Variants in CDCA5 observed in about 807,000 individuals in gnomAD.
The protein encoded by CDCA5 is cell division cycle associated 5.
Under a neutral mutation model 25.7 loss-of-function variants are expected in CDCA5, and 14 were observed. The ratio of observed to expected loss-of-function variants is 0.54; its 90% confidence interval spans 0.36 to 0.85. CDCA5 has a LOEUF of 0.85. Ranked by LOEUF, CDCA5 falls within the 40% of genes least tolerant of loss-of-function variation. The pLI is 0.01. For missense variants in CDCA5, 307 were observed against 324.5 expected (o/e 0.95, Z 0.41); for synonymous variants, 127 against 128.7 (o/e 0.99, Z 0.09).
In CDCA5 at chr11:65,078,395, C is replaced by G. The variant is rs1468802210; in HGVS notation, c.*712G>C. On this transcript the variant is annotated 3_prime_UTR_variant, in exon 6 of 6. Coordinates refer to ENST00000275517, the MANE Select transcript of CDCA5 (RefSeq NM_080668.4). ...CCCTTTGCTCCAAGCAGCCAGCGCC[C>G]TATCAACCTGGCATTTACCAAACAT... The G allele has an allele frequency of 1.0e-6, 1 of 985,848 alleles. No individual in the cohort carries two copies. The highest frequency in any genetic ancestry group is 6.1e-5 in the Admixed American group (1 of 16,290). 61.1% of individuals were successfully genotyped at this position (985,848 alleles called of 1,614,324 possible).
rs1947277260 is a variant in CDCA5 at position 65,068,196 on chromosome 11, C to G, written c.178-78G>C. ...AGAGCCTGGGTCCTCCCACACCCCC[C>G]ATCCTTGCCATCTCCCTGTCTTTCA... On this transcript the variant is annotated intron_variant, in intron 2 of 6. Coordinates refer to the CDCA5 transcript ENST00000525464. 4 of 893,692 alleles carry G rather than the reference C, an allele frequency of 4.5e-6. No individual in the cohort carries two copies. In the Admixed American group the frequency reaches 9.6e-5, roughly 21 times the overall value. The allele number at this position is 893,692 out of a possible 1,614,324, so 55.4% of individuals were successfully genotyped here.
chr11:65,073,393 T>C (rs3850947), downstream of CDCA5, among the ~76,000 whole-genome samples: 43,410 of 152,098 alleles, frequency 0.29, 6,693 homozygotes, highest in East Asian at 0.65. Context: ...TCAAACCCAG[T>C]TGGATTGCAG....
downstream of CDCA5, among the ~76,000 whole-genome samples, chr11:65,077,131 A>T (rs1370094948): frequency 6.6e-6 from 1 of 152,172 alleles, no homozygotes; most frequent in Non-Finnish European, 1.5e-5. Flanking sequence ...TAATAAAAAT[A>T]TAAAAATTAG....
intron 3 of CDCA5, chr11:65,067,879 A>G: frequency 1.2e-6 from 1 of 820,514 alleles, no homozygotes; most frequent in Non-Finnish European, 1.7e-6. Context: ...TCCTCTCTGC[A>G]CGGGCCAGGA....
chr11:65,061,324 A>G (rs1256068648), downstream of CDCA5, among the ~76,000 whole-genome samples: 1 of 152,196 alleles, frequency 6.6e-6, no homozygotes, highest in Non-Finnish European at 1.5e-5. Context: ...AGCCGTCAGA[A>G]TACAGCGGCC....
downstream of CDCA5, among the ~76,000 whole-genome samples, chr11:65,063,831 C>T (rs1033254189): frequency 2.0e-5 from 3 of 152,200 alleles, no homozygotes; most frequent in East Asian, 5.8e-4. Context: ...CAGGTAACAC[C>T]CTGGGGCCCA....
At chr11:65,083,341 T>A (rs1161660720) in intron 4 of CDCA5, 23 bp downstream of exon 4, 1 of 1,613,818 alleles carries the variant, frequency 6.2e-7, no homozygotes, top group South Asian at 1.1e-5. Context: ...TCTACTTAAT[T>A]AAGTAGATGA....
downstream of CDCA5, among the ~76,000 whole-genome samples, chr11:65,076,359 C>G (rs998021415): frequency 6.6e-6 from 1 of 152,196 alleles, no homozygotes; most frequent in African/African-American, 2.4e-5. Context: ...AAGTGATCCT[C>G]CTGCCTCAGC....
chr11:65,075,417 TAAG>T (rs1193290908), downstream of CDCA5, among the ~76,000 whole-genome samples: 5 of 151,722 alleles, frequency 3.3e-5, no homozygotes, highest in African/African-American at 7.3e-5. Flanking sequence ...AATAAAAAAT[TAAG>T]GAGGGGAGAA....
intron 6 of CDCA5, chr11:65,066,505 T>A (rs948742081): frequency 1.6e-6 from 2 of 1,289,038 alleles, no homozygotes; most frequent in Non-Finnish European, 2.0e-6. Context: ...GTGAGCAGCA[T>A]GGGGCAGCCG....
intron 4 of CDCA5, among the ~76,000 whole-genome samples, chr11:65,081,131 GAGATAATGGGTGGCC>G (rs1947556861): frequency 6.6e-6 from 1 of 152,100 alleles, no homozygotes; most frequent in Non-Finnish European, 1.5e-5. Context: ...TGAAGTTCAA[GAGATAATGGGTGGCC>G]AGATATGGTG....
exon 5 of CDCA5, chr11:65,066,876 A>C: frequency 3.9e-6 from 5 of 1,289,218 alleles, no homozygotes; most frequent in Non-Finnish European, 5.1e-6. Flanking sequence ...GTGACTCCCG[A>C]AGCCTAGGGT....
chr11:65,066,983 A>T (rs1947251364), intron 4 of CDCA5: 2 of 732,446 alleles, frequency 2.7e-6, no homozygotes, highest in African/African-American at 1.8e-5. Flanking sequence ...TCCTATAGCC[A>T]CCTGGGACCA....
In CDCA5 at chr11:65,078,217, T is replaced by G. The variant is rs1947485392; in HGVS notation, c.*890A>C. 1 of 985,390 alleles carries G rather than the reference T, an allele frequency of 1.0e-6. No homozygotes were observed. Among genetic ancestry groups the G allele is most frequent in the Non-Finnish European group, 1.2e-6 (1 of 829,936 alleles). 61.0% of individuals were successfully genotyped at this position (985,390 alleles called of 1,614,324 possible). On this transcript the variant is annotated 3_prime_UTR_variant, in exon 6 of 6. Transcript: ENST00000275517. The stretch of plus-strand genomic sequence containing the variant: ...GCCAAGTAGACTCGGTGTAACTTAT[T>G]TTGTAAGAAATGGGTATGGGTGACA...
downstream of CDCA5, among the ~76,000 whole-genome samples, chr11:65,072,639 C>T (rs899346479): frequency 1.7e-4 from 26 of 152,320 alleles, no homozygotes; most frequent in Non-Finnish European, 2.9e-5. Context: ...CCCCAGCTCC[C>T]ACTGGAGGGG....
chr11:65,071,070 T>C (rs1292667468), intron 1 of CDCA5, among the ~76,000 whole-genome samples: 1 of 150,700 alleles, frequency 6.6e-6, no homozygotes, highest in Non-Finnish European at 1.5e-5. Context: ...GCCTCCCGAG[T>C]AGCTGGGACT....
intron 1 of CDCA5, 79 bp downstream of exon 1, chr11:65,083,854 G>A (rs1590803013): frequency 1.3e-6 from 2 of 1,597,200 alleles, no homozygotes; most frequent in Admixed American, 1.7e-5. Context: ...GGCGGCAGCG[G>A]GAGGGAAGAG....
At position 65,079,563 on chromosome 11, in the gene CDCA5, A is replaced by G; in HGVS notation, c.468T>C (p.Ser156=). 1 of 1,614,076 alleles carries G rather than the reference A, an allele frequency of 6.2e-7. No individual in the cohort carries two copies. The highest frequency in any genetic ancestry group is 8.5e-7 in the Non-Finnish European group (1 of 1,179,980). The stretch of plus-strand genomic sequence containing the variant: ...AGGACCGGCGGCCTGGGGTGGAGGT[A>G]GAGGCAGAGCCCAGGGTCTCCAGCC... ...YSRLETLGSA[S]TSTPGRRSCF... is the part of the protein sequence containing the mutation. The change falls in exon 5 of 6, where the codon TCT becomes TCC. Residue 156 remains serine, a synonymous_variant. Transcript: ENST00000275517.
intron 4 of CDCA5, among the ~76,000 whole-genome samples, chr11:65,082,549 G>C (rs1407959017): frequency 7.2e-6 from 1 of 138,796 alleles, no homozygotes; most frequent in South Asian, 2.4e-4. Flanking sequence ...TGCAACCTCC[G>C]CCTCCTGGGT....
Sources: gnomAD v4.1 joint callset for allele counts (sites outside exome capture counted in the v4.1 genomes callset) on GRCh38, gnomAD v4.1.1 for gene constraint, MANE v1.5 for transcripts, NCBI Gene and HGNC (gene_info 2026-07-23, HGNC 2026-07-21) for gene names.